Variants in MTDH observed in about 807,000 individuals in gnomAD.
The protein encoded by MTDH is protein LYRIC.
In MTDH, 34 loss-of-function variants were observed where a neutral mutation model predicts 72.7. That is an observed-to-expected ratio of 0.47 (90% CI 0.36 to 0.62). MTDH has a LOEUF of 0.62. Among genes scored for constraint, MTDH ranks in the 20% least tolerant of loss-of-function variants. The pLI is 0.00. For synonymous variants in MTDH, 266 were observed against 268.9 expected, an observed-to-expected ratio of 0.99 and a Z score of 0.10; for missense variants, 677 against 699.4, an observed-to-expected ratio of 0.97 and a Z score of 0.36.
chr8:97,729,884 C>T lies in MTDH; in HGVS notation c.*5214C>T, dbSNP rs564147017. The stretch of plus-strand genomic sequence containing the variant: ...TGAGAGAAACTTAGTAGCCTGCCTG[C>T]GCATACTGCAAGTACAGACTATATA... On this transcript the variant is annotated 3_prime_UTR_variant, in exon 12 of 12. Coordinates refer to ENST00000336273, the MANE Select transcript of MTDH (RefSeq NM_178812.4). Among the ~76,000 whole-genome samples the T allele has an allele frequency of 8.5e-4, 130 of 152,182 alleles. No homozygotes were observed. Among genetic ancestry groups the T allele is most frequent in the African/African-American group, 2.9e-3 (122 of 41,530 alleles).
chr8:97,686,576 G>T, intron 2 of MTDH, 92 bp from the exon 3 acceptor site: 3 of 649,550 alleles, frequency 4.6e-6, no homozygotes, highest in Non-Finnish European at 6.9e-6. Flanking sequence ...TTTTTTAGTT[G>T]TCAGCATCAT....
rs190124566 is a variant in MTDH at position 97,718,743 on chromosome 8, C to G, written c.1381-306C>G. Reference sequence around the variant, plus strand: ...TTTCTTTGAGACAGAATCACCCAGCCTGGAGTACAGTGGTGTGATCACAGT... The same window carrying G: ...TTTCTTTGAGACAGAATCACCCAGCGTGGAGTACAGTGGTGTGATCACAGT... On this transcript the variant is annotated intron_variant, in intron 9 of 11. Coordinates refer to ENST00000336273, the MANE Select transcript of MTDH (RefSeq NM_178812.4). Among the ~76,000 whole-genome samples the G allele has an allele frequency of 5.3e-3, 804 of 151,766 alleles. 5 individuals carry two copies. The highest frequency in any genetic ancestry group is 0.017 in the African/African-American group (710 of 41,400).
At chr8:97,697,974 TTTTATAGGGTTACTCTG>T (rs1407323924) in intron 6 of MTDH, among the ~76,000 whole-genome samples, 1 of 152,128 alleles carries the variant, frequency 6.6e-6, no homozygotes, top group Non-Finnish European at 1.5e-5. Flanking sequence ...TACATGTGAA[TTTTATAGGGTTACTCTG>T]TTTATAGGGT....
intron 5 of MTDH, 40 bp from the exon 6 acceptor site, chr8:97,690,912 C>A: frequency 7.0e-7 from 1 of 1,419,002 alleles, no homozygotes; most frequent in South Asian, 1.2e-5. Flanking sequence ...TTTAAGAAGT[C>A]ATGTACCTGT....
intron 2 of MTDH, among the ~76,000 whole-genome samples, chr8:97,676,995 A>G (rs1487960112): frequency 8.7e-5 from 5 of 57,512 alleles, no homozygotes; most frequent in African/African-American, 1.3e-4. Context: ...ACAGAGTGAG[A>G]CTCTATCTCA....
chr8:97,700,366 C>T (rs1814063085), intron 7 of MTDH, among the ~76,000 whole-genome samples: 1 of 151,682 alleles, frequency 6.6e-6, no homozygotes, highest in Admixed American at 6.6e-5. Flanking sequence ...CCTCACAAAC[C>T]TAAATCTCAA....
At chr8:97,673,543 C>A (rs1812717670) in intron 2 of MTDH, among the ~76,000 whole-genome samples, 1 of 151,984 alleles carries the variant, frequency 6.6e-6, no homozygotes, top group South Asian at 2.1e-4. Flanking sequence ...GCCTGTAATC[C>A]CAGCTACTTG....
chr8:97,663,142 A>G (rs1358633604), intron 2 of MTDH, among the ~76,000 whole-genome samples: 1 of 152,068 alleles, frequency 6.6e-6, no homozygotes, highest in African/African-American at 2.4e-5. Flanking sequence ...TGAGTAATGT[A>G]TACTTACTCC....
chr8:97,717,200 T>G (rs1814910724), intron 9 of MTDH, among the ~76,000 whole-genome samples: 1 of 152,168 alleles, frequency 6.6e-6, no homozygotes, highest in Non-Finnish European at 1.5e-5. Context: ...ACTGAATAAC[T>G]ATCATAAAAT....
intron 11 of MTDH, among the ~76,000 whole-genome samples, chr8:97,723,845 C>CA (rs1350793592): frequency 1.3e-5 from 2 of 152,110 alleles, no homozygotes; most frequent in Non-Finnish European, 2.9e-5. Flanking sequence ...CCGTGCCTCA[C>CA]ACCTGTAATC....
Position 97,687,541 on chromosome 8 carries a change from C to T in MTDH, c.681C>T (p.Thr227=). The change falls in exon 4 of 12, where the codon ACC becomes ACT. Residue 227 remains threonine, a synonymous_variant. Transcript: ENST00000336273. ...CAACTATCCCTGGGATAGAAAATAC[C>T]ATCACAGTTACCACCGAGCAACTTA... ...LDSTIPGIEN[T]ITVTTEQLTT... 1 of 1,613,000 alleles carries T rather than the reference C, an allele frequency of 6.2e-7. No individual in the cohort carries two copies. The highest frequency in any genetic ancestry group is 1.1e-5 in the South Asian group (1 of 90,962).
chr8:97,646,309 A>C (rs914525432), intron 1 of MTDH, among the ~76,000 whole-genome samples: 1 of 152,250 alleles, frequency 6.6e-6, no homozygotes, highest in Non-Finnish European at 1.5e-5. Flanking sequence ...TGGAAAAGGC[A>C]CAACTTTGTC....
intron 1 of MTDH, among the ~76,000 whole-genome samples, chr8:97,657,629 G>A (rs888720558): frequency 1.3e-5 from 2 of 151,662 alleles, no homozygotes; most frequent in South Asian, 2.1e-4. Context: ...TCAGTCCCTC[G>A]AGTAGCTGGG....
rs182533447 is a variant in MTDH, at chr8:97,648,264, T to C, written c.381+3377T>C. ...GCTCAGTTCTTGGCATTTTTTCTTT[T>C]CCCCCCCACCCCTGTTCCTGGCATT... On this transcript the variant is annotated intron_variant, in intron 1 of 11. Transcript: ENST00000336273. Among the ~76,000 whole-genome samples the C allele has an allele frequency of 5.4e-3, 823 of 152,034 alleles. 5 individuals are homozygous for C. The highest frequency in any genetic ancestry group is 0.017 in the African/African-American group (717 of 41,452).
intron 8 of MTDH, among the ~76,000 whole-genome samples, chr8:97,707,217 T>A (rs1163024355): frequency 6.6e-6 from 1 of 150,916 alleles, no homozygotes; most frequent in African/African-American, 2.4e-5. Flanking sequence ...AGTGGCATGA[T>A]CTCAGCTCAC....
intron 10 of MTDH, among the ~76,000 whole-genome samples, chr8:97,720,877 C>T (rs536305513): frequency 6.6e-6 from 1 of 151,886 alleles, no homozygotes; most frequent in African/African-American, 2.4e-5. Flanking sequence ...TAGTCTCGAA[C>T]TCCTGACCTC....
chr8:97,710,612 C>G (rs932461016), intron 8 of MTDH, among the ~76,000 whole-genome samples: 1 of 144,050 alleles, frequency 6.9e-6, no homozygotes, highest in African/African-American at 2.6e-5. Context: ...GCACAAGACT[C>G]GCTTGAACTG....
rs944285118 is a variant in MTDH at position 97,644,320 on chromosome 8, G to A, written c.-187G>A. 2.8e-6 allele frequency: 2 copies of A among 703,910 alleles called. No homozygotes were observed. The highest frequency in any genetic ancestry group is 4.3e-6 in the Non-Finnish European group (2 of 460,430). 43.6% of individuals were successfully genotyped at this position (703,910 alleles called of 1,614,324 possible). ...GGCGGCGGAGTGAGGCTGACAGCGG[G>A]GAACCTGGGAGACCCCTCCGCCCTC... On this transcript the variant is annotated 5_prime_UTR_variant, in exon 1 of 12. Transcript: ENST00000336273.
intron 2 of MTDH, among the ~76,000 whole-genome samples, chr8:97,663,089 T>G (rs1490121641): frequency 2.0e-5 from 3 of 152,134 alleles, no homozygotes; most frequent in African/African-American, 7.2e-5. Flanking sequence ...TTTACACATC[T>G]CTGACCTAGT....
Sources: allele counts gnomAD v4.1 joint callset (sites outside exome capture counted in the v4.1 genomes callset), GRCh38; gene constraint gnomAD v4.1.1; transcripts MANE v1.5; gene names NCBI Gene and HGNC (gene_info 2026-07-23, HGNC 2026-07-21).